UNC13C: variants seen among roughly 807,000 people sequenced by gnomAD.
UNC13C encodes the protein unc-13 homolog C.
A neutral mutation model predicts 245.4 loss-of-function variants in UNC13C; 174 were observed. The ratio of observed to expected loss-of-function variants is 0.71; its 90% CI spans 0.63 to 0.80. The LOEUF is 0.80. Among genes scored for constraint, UNC13C ranks in the 30% least tolerant of loss-of-function variants. The pLI is 0.00. For synonymous variants in UNC13C, 992 were observed against 895.1 expected (o/e 1.11, Z -1.93); for missense variants, 2,829 against 2,602.9 (o/e 1.09, Z -1.89).
intron 30 of UNC13C, among the ~76,000 whole-genome samples, chr15:54,602,702 C>A (rs1394257920): frequency 2.0e-5 from 3 of 152,136 alleles, no homozygotes; most frequent in African/African-American, 7.2e-5. Flanking sequence ...CTTTGCCAGT[C>A]ACCCCAGAAG....
At chr15:54,229,518 TG>T in intron 4 of UNC13C, among the ~76,000 whole-genome samples, 1 of 152,288 alleles carries the variant, frequency 6.6e-6, no homozygotes. Context: ...TTGGAATAAT[TG>T]TACGTATTTA....
intron 2 of UNC13C, among the ~76,000 whole-genome samples, chr15:54,091,697 A>G (rs563282910): frequency 3.3e-5 from 5 of 152,164 alleles, no homozygotes; most frequent in Non-Finnish European, 2.9e-5. Context: ...TCAATGTCTG[A>G]ATATTTATTT....
At chr15:54,197,490 C>T (rs1244694152) in intron 4 of UNC13C, among the ~76,000 whole-genome samples, 1 of 151,612 alleles carries the variant, frequency 6.6e-6, no homozygotes, top group Non-Finnish European at 1.5e-5. Context: ...AATTAATAAG[C>T]ACATTTAGAA....
intron 2 of UNC13C, among the ~76,000 whole-genome samples, chr15:54,045,955 T>C (rs1012969178): frequency 9.9e-5 from 15 of 152,202 alleles, no homozygotes; most frequent in African/African-American, 1.4e-4. Context: ...TAAAATTTAT[T>C]GTAGTATCAG....
At chr15:54,624,520 ATAGGGCTTTTCAATT>A (rs1316513561) in intron 32 of UNC13C, among the ~76,000 whole-genome samples, 154 of 152,304 alleles carry the variant, frequency 1.0e-3, no homozygotes, top group Non-Finnish European at 1.6e-3. Flanking sequence ...AGTGTGTCAC[ATAGGGCTTTTCAATT>A]CTAAGTTCAA....
chr15:54,578,566 C>G (rs1898061363), intron 30 of UNC13C, among the ~76,000 whole-genome samples: 2 of 152,164 alleles, frequency 1.3e-5, no homozygotes, highest in Non-Finnish European at 2.9e-5. Flanking sequence ...AACAAAAGCA[C>G]TTGACATTTG....
intron 7 of UNC13C, among the ~76,000 whole-genome samples, chr15:54,241,636 T>A (rs2035853680): frequency 6.6e-6 from 1 of 152,222 alleles, no homozygotes; most frequent in Non-Finnish European, 1.5e-5. Flanking sequence ...GTAATAATAG[T>A]TACCTCACAG....
At chr15:54,046,589 T>A (rs2141043820) in intron 2 of UNC13C, among the ~76,000 whole-genome samples, 1 of 152,214 alleles carries the variant, frequency 6.6e-6, no homozygotes, top group East Asian at 1.9e-4. Context: ...CTTCAAACTT[T>A]AAAAATATTT....
chr15:54,445,298 C>A (rs1397500298), intron 19 of UNC13C, among the ~76,000 whole-genome samples: 1 of 152,110 alleles, frequency 6.6e-6, no homozygotes, highest in Non-Finnish European at 1.5e-5. Flanking sequence ...GTCTCTGTAG[C>A]AGCATGATTT....
intron 11 of UNC13C, among the ~76,000 whole-genome samples, chr15:54,294,623 A>G (rs1019022361): frequency 6.6e-6 from 1 of 152,142 alleles, no homozygotes; most frequent in Non-Finnish European, 1.5e-5. Flanking sequence ...TAAATAAGGT[A>G]AGTTTTAATT....
chr15:54,055,341 C>G (rs1402154786), intron 2 of UNC13C, among the ~76,000 whole-genome samples: 1 of 152,132 alleles, frequency 6.6e-6, no homozygotes, highest in Non-Finnish European at 1.5e-5. Context: ...TCTTTTCTGT[C>G]ATTTCTCTAG....
rs558815714 is a variant in UNC13C, at chr15:54,572,368, AGC to A, written c.6106+4422_6106+4423del. On this transcript the variant is annotated intron_variant, in intron 30 of 32. Transcript: ENST00000260323. ...AATTTGTATTTTTTTCCAAATAATAAGCATAATCATTTACCTTATGATCATAA... is the reference window on the plus strand; with the variant it reads ...AATTTGTATTTTTTTCCAAATAATAAATAATCATTTACCTTATGATCATAA... 2.4e-3 allele frequency among the ~76,000 whole-genome samples: 360 copies of A among 152,184 alleles called. 2 individuals carry two copies. Among genetic ancestry groups the A allele is most frequent in the African/African-American group, 7.9e-3 (328 of 41,510 alleles).
At chr15:54,602,563 GTTTTCT>G (rs1294177334) in intron 30 of UNC13C, among the ~76,000 whole-genome samples, 1 of 152,144 alleles carries the variant, frequency 6.6e-6, no homozygotes, top group East Asian at 1.9e-4. Flanking sequence ...GATGCTCTAA[GTTTTCT>G]TTTTATTTTG....
intron 10 of UNC13C, among the ~76,000 whole-genome samples, chr15:54,292,692 GA>G (rs2037328315): frequency 6.6e-6 from 1 of 151,562 alleles, no homozygotes; most frequent in Non-Finnish European, 1.5e-5. Context: ...CAATTATATT[GA>G]AACACAGTTT....
At chr15:53,889,713 T>C in the UNC13C span, among the ~76,000 whole-genome samples, 6 of 152,202 alleles carry the variant, frequency 3.9e-5, no homozygotes, top group Non-Finnish European at 8.8e-5. Context: ...CTCTTATTAT[T>C]TTGTGATACA....
chr15:54,307,591 G>A (rs1264543493), intron 13 of UNC13C, among the ~76,000 whole-genome samples: 1 of 151,938 alleles, frequency 6.6e-6, no homozygotes, highest in Non-Finnish European at 1.5e-5. Flanking sequence ...ATAGTAACAA[G>A]CATGGGGGCT....
intron 4 of UNC13C, among the ~76,000 whole-genome samples, chr15:54,150,522 A>G (rs2032470107): frequency 6.6e-6 from 1 of 152,224 alleles, no homozygotes; most frequent in South Asian, 2.1e-4. Flanking sequence ...ACTGTTAACC[A>G]CAAGGCCGCC....
chr15:54,444,435 C>G (rs1304222795), intron 19 of UNC13C, among the ~76,000 whole-genome samples: 1 of 151,600 alleles, frequency 6.6e-6, no homozygotes, highest in Admixed American at 6.6e-5. Flanking sequence ...GAAAAGTGAT[C>G]TTTTGTAGGC....
chr15:54,589,711 C>G (rs1898684117), intron 30 of UNC13C, among the ~76,000 whole-genome samples: 1 of 151,390 alleles, frequency 6.6e-6, no homozygotes, highest in South Asian at 2.1e-4. Context: ...GATATTAGTC[C>G]TTTGTCAGAA....
Sources: gnomAD v4.1 joint callset for allele counts (sites outside exome capture counted in the v4.1 genomes callset) on GRCh38, gnomAD v4.1.1 for gene constraint, MANE v1.5 for transcripts, NCBI Gene and HGNC (gene_info 2026-07-23, HGNC 2026-07-21) for gene names.